The following ATRNL1 variants were observed in gnomAD, a reference collection of about 807,000 sequenced individuals.
ATRNL1 encodes attractin like 1, also known as attractin-like protein 1.
In ATRNL1, 95 loss-of-function variants were observed where a neutral mutation model predicts 182.7. The ratio of observed to expected loss-of-function variants is 0.52; its 90% CI spans 0.44 to 0.62. The LOEUF is 0.62. ATRNL1 is among the 20% of genes least tolerant of loss of function. The pLI is 0.00. For synonymous variants in ATRNL1, 576 were observed against 568.3 expected (o/e 1.01, Z -0.19); for missense variants, 1,471 against 1,679.5 (o/e 0.88, Z 2.17).
intron 8 of ATRNL1, among the ~76,000 whole-genome samples, chr10:115,195,194 A>G (rs1848314316): frequency 6.6e-6 from 1 of 152,060 alleles, no homozygotes; most frequent in African/African-American, 2.4e-5. Flanking sequence ...TACTATTGCC[A>G]GTGAGTTTTA....
intron 27 of ATRNL1, among the ~76,000 whole-genome samples, chr10:115,814,519 A>G (rs1950117852): frequency 6.6e-6 from 1 of 152,206 alleles, no homozygotes; most frequent in Non-Finnish European, 1.5e-5. Flanking sequence ...GAAGATAGTT[A>G]TATAGACATA....
Position 115,847,906 on chromosome 10 carries a change from A to G in ATRNL1, c.3933A>G (p.Pro1311=), listed in dbSNP as rs372156632. The G allele has an allele frequency of 6.2e-7, 1 of 1,612,568 alleles. No homozygotes were observed. The highest frequency in any genetic ancestry group is 2.2e-5 in the East Asian group (1 of 44,854). The part of the protein sequence containing the change: ...EGAPKPIAIE[P]CAGNRAAVLT... ...CACCCAAGCCAATTGCCATTGAACC[A>G]TGTGCTGGGAACAGAGCTGCTGTTC... Residue 1311 remains proline (P), a synonymous_variant, in exon 28 of 29, where the codon CCA becomes CCG. Coordinates refer to ENST00000355044, the MANE Select transcript of ATRNL1 (RefSeq NM_207303.4).
intron 26 of ATRNL1, among the ~76,000 whole-genome samples, chr10:115,551,634 A>G (rs1359627488): frequency 1.3e-5 from 2 of 151,574 alleles, no homozygotes; most frequent in African/African-American, 4.8e-5. Context: ...CTATAGCATT[A>G]CATGTTAAAA....
chr10:115,836,231 T>G (rs1555095407), intron 27 of ATRNL1, among the ~76,000 whole-genome samples: 6 of 152,186 alleles, frequency 3.9e-5, no homozygotes. Context: ...CAAGTGCAAG[T>G]GACTTGAATG....
At chr10:115,523,840 T>C (rs995710671) in intron 25 of ATRNL1, among the ~76,000 whole-genome samples, 2 of 152,228 alleles carry the variant, frequency 1.3e-5, no homozygotes, top group Non-Finnish European at 2.9e-5. Flanking sequence ...TTTTTAGGTG[T>C]CTTTATAGCA....
At chr10:115,527,367 C>T (rs941988463) in intron 25 of ATRNL1, among the ~76,000 whole-genome samples, 1 of 152,042 alleles carries the variant, frequency 6.6e-6, no homozygotes, top group African/African-American at 2.4e-5. Flanking sequence ...GTGATCCGCT[C>T]ACCTCGGCCT....
chr10:115,854,252 T>C (rs1326426329), intron 28 of ATRNL1, among the ~76,000 whole-genome samples: 1 of 152,230 alleles, frequency 6.6e-6, no homozygotes, highest in Non-Finnish European at 1.5e-5. Flanking sequence ...GTCATTAAAA[T>C]GCCCTTTCCT....
At chr10:115,906,072 A>G (rs1428647294) in intron 28 of ATRNL1, among the ~76,000 whole-genome samples, 2 of 152,250 alleles carry the variant, frequency 1.3e-5, no homozygotes, top group Non-Finnish European at 2.9e-5. Context: ...ACTAACTTCC[A>G]TAAGCTTTGA....
At chr10:115,887,662 CT>C (rs1412527934) in intron 28 of ATRNL1, among the ~76,000 whole-genome samples, 2,639 of 143,968 alleles carry the variant, frequency 0.018, 68 homozygotes, top group African/African-American at 0.059. Context: ...ACATAGAGCT[CT>C]TTTTTTTTTT....
chr10:115,163,974 T>C (rs1846920222), intron 6 of ATRNL1, among the ~76,000 whole-genome samples: 2 of 152,190 alleles, frequency 1.3e-5, no homozygotes, highest in Admixed American at 1.3e-4. Flanking sequence ...CTTACCTTTC[T>C]TGTGAAGGGG....
chr10:115,893,933 G>A (rs1589658301), intron 28 of ATRNL1, among the ~76,000 whole-genome samples: 1 of 151,610 alleles, frequency 6.6e-6, no homozygotes, highest in South Asian at 2.1e-4. Context: ...AAATTCAAAA[G>A]ACCATCACAA....
chr10:115,160,254 G>T, intron 6 of ATRNL1, 40 bp downstream of exon 6: 3 of 1,520,986 alleles, frequency 2.0e-6, no homozygotes, highest in South Asian at 1.2e-5. Context: ...TTTTTAAGCT[G>T]GATTTTTATC....
intron 5 of ATRNL1, among the ~76,000 whole-genome samples, chr10:115,139,844 T>C (rs1378493097): frequency 3.3e-5 from 5 of 152,226 alleles, no homozygotes; most frequent in African/African-American, 1.2e-4. Context: ...TTTTCCCTTC[T>C]TTTAGCAACT....
intron 28 of ATRNL1, among the ~76,000 whole-genome samples, chr10:115,895,868 C>T (rs568200173): frequency 3.9e-4 from 60 of 152,180 alleles, no homozygotes; most frequent in Non-Finnish European, 7.8e-4. Context: ...AGGAATTTGC[C>T]AAGTGGTTCA....
chr10:115,178,199 C>T (rs538560362), intron 8 of ATRNL1, among the ~76,000 whole-genome samples: 1 of 151,910 alleles, frequency 6.6e-6, no homozygotes, highest in East Asian at 1.9e-4. Context: ...CATGAGCCAC[C>T]GTGCCTGGCC....
chr10:115,716,207 T>A (rs781862915), intron 26 of ATRNL1, among the ~76,000 whole-genome samples: 43 of 152,156 alleles, frequency 2.8e-4, no homozygotes, highest in Non-Finnish European at 2.2e-4. Flanking sequence ...CTTAAAAAAA[T>A]TATATTTAGC....
chr10:115,201,188 C>A (rs1170464721), intron 8 of ATRNL1, among the ~76,000 whole-genome samples: 20 of 148,716 alleles, frequency 1.3e-4, no homozygotes, highest in Admixed American at 1.2e-3. Context: ...GTTGCCTGTT[C>A]ACTCTGATGG....
At position 115,205,724 on chromosome 10, in the gene ATRNL1, C is replaced by T. The variant is rs77456644; in HGVS notation, c.1349-9973C>T. Among the ~76,000 whole-genome samples the T allele has an allele frequency of 4.2e-3, 631 of 152,018 alleles. 9 individuals are homozygous for T. In the East Asian group the frequency reaches 0.066, roughly 16 times the overall value. On this transcript the variant is annotated intron_variant, in intron 8 of 28. Coordinates refer to ENST00000355044, the MANE Select transcript of ATRNL1 (RefSeq NM_207303.4). ...ATATTTTGTCACATGGTTTGGAATG[C>T]GGAAACCTTACCTCATTACAGGTAC...
chr10:115,183,115 A>T (rs1269801199), intron 8 of ATRNL1, among the ~76,000 whole-genome samples: 2 of 151,450 alleles, frequency 1.3e-5, no homozygotes, highest in Non-Finnish European at 3.0e-5. Context: ...TATTAAATAA[A>T]ATCTTTCTAT....
Sources: gnomAD v4.1 joint callset for allele counts (sites outside exome capture counted in the v4.1 genomes callset) on GRCh38, gnomAD v4.1.1 for gene constraint, MANE v1.5 for transcripts, NCBI Gene and HGNC (gene_info 2026-07-23, HGNC 2026-07-21) for gene names.